The following DGKI variants were observed in gnomAD, a reference collection of about 807,000 sequenced individuals.
The protein encoded by DGKI is DAG kinase iota.
Under a neutral mutation model 147.5 loss-of-function variants are expected in DGKI, and 55 were observed. That is an observed-to-expected ratio of 0.37 (90% CI 0.30 to 0.47). DGKI has a LOEUF of 0.47. DGKI is among the 20% of genes least tolerant of loss of function. DGKI has a pLI of 1.00. For missense variants in DGKI, 1,007 were observed against 1,323.8 expected (o/e 0.76, Z 3.71); for synonymous variants, 469 against 477.1 (o/e 0.98, Z 0.22).
intron 1 of DGKI, among the ~76,000 whole-genome samples, chr7:137,806,534 C>A (rs946081436): frequency 6.6e-6 from 1 of 152,088 alleles, no homozygotes; most frequent in Non-Finnish European, 1.5e-5. Flanking sequence ...CCTGGGTTCA[C>A]GCCATTCTCC....
chr7:137,639,216 T>C (rs1478989123), intron 6 of DGKI, among the ~76,000 whole-genome samples: 2 of 152,148 alleles, frequency 1.3e-5, no homozygotes, highest in African/African-American at 4.8e-5. Context: ...AAATATGCAA[T>C]GAGATCAGTC....
At chr7:137,837,188 T>C (rs1247526059) in intron 1 of DGKI, among the ~76,000 whole-genome samples, 3 of 152,222 alleles carry the variant, frequency 2.0e-5, no homozygotes, top group Non-Finnish European at 4.4e-5. Flanking sequence ...GACGGTCCAG[T>C]GAAATCCCAA....
At chr7:137,449,300 A>G (rs988443485) in intron 27 of DGKI, among the ~76,000 whole-genome samples, 6 of 152,200 alleles carry the variant, frequency 3.9e-5, no homozygotes, top group African/African-American at 1.4e-4. Context: ...AAATAGAACA[A>G]TGGAACAGGA....
At chr7:137,630,127 A>C (rs149747352) in intron 6 of DGKI, among the ~76,000 whole-genome samples, 80 of 152,308 alleles carry the variant, frequency 5.3e-4, no homozygotes, top group Non-Finnish European at 9.7e-4. Context: ...CTTTATTAGA[A>C]TCATCTTTGA....
intron 19 of DGKI, among the ~76,000 whole-genome samples, chr7:137,564,842 C>T (rs967878169): frequency 6.6e-6 from 1 of 152,206 alleles, no homozygotes; most frequent in African/African-American, 2.4e-5. Context: ...TCCCTCGTGC[C>T]ACCTGGAATG....
At chr7:137,597,820 G>A (rs1321513205) in intron 12 of DGKI, 27 bp downstream of exon 12, 1 of 1,608,104 alleles carries the variant, frequency 6.2e-7, no homozygotes, top group South Asian at 1.1e-5. Flanking sequence ...AATTGGCAGA[G>A]AACTGGATTC....
chr7:137,581,902 G>A lies in DGKI; in HGVS notation c.1590C>T (p.Tyr530=). Residue 530 remains tyrosine, a synonymous_variant, in exon 15 of 33, where the codon TAC becomes TAT. Transcript: ENST00000614521. ...CATGGGCATCAAATCCAAGGCTGAA[G>A]TAGTTATTGAAAACATTCAGAGGGA... ...CKLPLNVFNN[Y]FSLGFDAHVT... 7 of 1,613,594 alleles carry A rather than the reference G, an allele frequency of 4.3e-6. No individual in the cohort carries two copies. Among genetic ancestry groups the A allele is most frequent in the Non-Finnish European group, 5.9e-6 (7 of 1,179,586 alleles).
chr7:137,559,287 G>A (rs917618381), intron 19 of DGKI, among the ~76,000 whole-genome samples: 9 of 150,720 alleles, frequency 6.0e-5, no homozygotes, highest in Non-Finnish European at 1.0e-4. Flanking sequence ...TAGCCGGGAT[G>A]GTCTCGATCT....
intron 1 of DGKI, among the ~76,000 whole-genome samples, chr7:137,792,939 C>G (rs933310530): frequency 4.6e-5 from 7 of 152,218 alleles, no homozygotes; most frequent in African/African-American, 1.7e-4. Context: ...ATTACCCAGT[C>G]TCAGGTATTC....
At chr7:137,679,963 C>A (rs1310085821) in intron 2 of DGKI, among the ~76,000 whole-genome samples, 1 of 143,812 alleles carries the variant, frequency 7.0e-6, no homozygotes, top group Admixed American at 6.9e-5. Context: ...TGCACTCCAG[C>A]CTGGGCGACA....
chr7:137,469,714 CT>C, intron 23 of DGKI, 95 bp from the exon 24 acceptor site: 1 of 1,120,332 alleles, frequency 8.9e-7, no homozygotes, highest in Admixed American at 2.0e-5. Context: ...ACACAAAGCA[CT>C]GGTGAGAAGA....
chr7:137,551,190 A>G (rs1485191820), intron 20 of DGKI, among the ~76,000 whole-genome samples: 1 of 152,190 alleles, frequency 6.6e-6, no homozygotes, highest in Non-Finnish European at 1.5e-5. Context: ...GAGGACAGAC[A>G]GGATTTTTTA....
intron 28 of DGKI, among the ~76,000 whole-genome samples, chr7:137,420,117 A>C (rs978535880): frequency 2.6e-5 from 4 of 152,106 alleles, no homozygotes; most frequent in Admixed American, 1.3e-4. Flanking sequence ...ATCGGCTAGG[A>C]GCCTTGGATC....
At chr7:137,511,530 T>C (rs913736271) in intron 21 of DGKI, among the ~76,000 whole-genome samples, 5 of 152,210 alleles carry the variant, frequency 3.3e-5, no homozygotes, top group Non-Finnish European at 7.3e-5. Flanking sequence ...TTAAAAGATA[T>C]AACAAGAGAA....
chr7:137,482,467 T>C (rs1267031415), intron 23 of DGKI, among the ~76,000 whole-genome samples: 1 of 151,958 alleles, frequency 6.6e-6, no homozygotes, highest in Non-Finnish European at 1.5e-5. Context: ...ATCCATTTGC[T>C]GATGACTCCA....
At chr7:137,645,599 C>T in intron 5 of DGKI, 62 bp from the exon 6 acceptor site, 1 of 1,448,978 alleles carries the variant, frequency 6.9e-7, no homozygotes, top group Non-Finnish European at 9.3e-7. Flanking sequence ...CAGGGTCTTG[C>T]TCTGTCACCC....
chr7:137,591,459 G>A (rs1295509510), intron 12 of DGKI, among the ~76,000 whole-genome samples: 1 of 151,896 alleles, frequency 6.6e-6, no homozygotes, highest in South Asian at 2.1e-4. Flanking sequence ...GGTCTATATC[G>A]CCCCTCCACA....
At position 137,641,137 on chromosome 7, in the gene DGKI, T is replaced by C. The variant is rs538407953; in HGVS notation, c.804+4335A>G. ...ATGGTTTTAAAAATGGGAGTTTCCCTGCACAAGCTCTCTCTTTGCCTGTCA... is the reference window on the plus strand; with the variant it reads ...ATGGTTTTAAAAATGGGAGTTTCCCCGCACAAGCTCTCTCTTTGCCTGTCA... On this transcript the variant is annotated intron_variant, in intron 6 of 32. Transcript: ENST00000614521. Among the ~76,000 whole-genome samples the C allele has an allele frequency of 3.9e-5, 6 of 152,332 alleles. No homozygotes were observed. In the South Asian group the frequency reaches 1.2e-3, roughly 32 times the overall value.
chr7:137,625,729 C>T (rs1363485734), intron 6 of DGKI, among the ~76,000 whole-genome samples: 6 of 143,430 alleles, frequency 4.2e-5, no homozygotes, highest in African/African-American at 1.6e-4. Flanking sequence ...AAGACCTTAT[C>T]TCTATATTAA....
Sources: allele counts gnomAD v4.1 joint callset (sites outside exome capture counted in the v4.1 genomes callset), GRCh38; gene constraint gnomAD v4.1.1; transcripts MANE v1.5; gene names NCBI Gene and HGNC (gene_info 2026-07-23, HGNC 2026-07-21).